Variants in BABAM2 observed in about 807,000 individuals in gnomAD.
BABAM2 encodes the protein BRISC and BRCA1-A complex member 2.
Under a neutral mutation model 54.7 loss-of-function variants are expected in BABAM2, and 31 were observed. The ratio of observed to expected loss-of-function variants is 0.57; its 90% CI spans 0.43 to 0.77. The LOEUF (loss-of-function observed/expected upper bound fraction) is 0.77. BABAM2 is among the 30% of genes least tolerant of loss of function. BABAM2 has a pLI of 0.00. For missense variants in BABAM2, 364 were observed against 455.8 expected (o/e 0.80, Z 1.83); for synonymous variants, 167 against 162.9 (o/e 1.03, Z -0.19).
chr2:27,953,105 T>C (rs1397132349), intron 3 of BABAM2, among the ~76,000 whole-genome samples: 1 of 152,202 alleles, frequency 6.6e-6, no homozygotes, highest in African/African-American at 2.4e-5. Context: ...CACTGCAGAC[T>C]CGAACTCCTG....
At chr2:28,117,946 C>CT (rs1437447418) in intron 6 of BABAM2, among the ~76,000 whole-genome samples, 4 of 152,290 alleles carry the variant, frequency 2.6e-5, no homozygotes, top group Admixed American at 2.6e-4. Flanking sequence ...TCTACCTTTT[C>CT]TTTAAGTTAT....
chr2:28,017,667 A>G lies in BABAM2; in HGVS notation c.301-7559A>G, dbSNP rs552385582. Among the ~76,000 whole-genome samples the G allele has an allele frequency of 1.5e-4, 23 of 152,356 alleles. No individual in the cohort carries two copies. In the South Asian group the frequency reaches 1.7e-3, roughly 11 times the overall value. On this transcript the variant is annotated intron_variant, in intron 4 of 11. Transcript: ENST00000379624. ...AAAAAGAAACTGTGTATGCATTAGCAGTCCTCATTTTCCCCCAAGTCTCCA... is the reference window on the plus strand; with the variant it reads ...AAAAAGAAACTGTGTATGCATTAGCGGTCCTCATTTTCCCCCAAGTCTCCA...
At chr2:28,324,818 A>T (rs1386555494) in intron 11 of BABAM2, among the ~76,000 whole-genome samples, 2 of 152,152 alleles carry the variant, frequency 1.3e-5, no homozygotes, top group Admixed American at 1.3e-4. Flanking sequence ...GAAAGAAAAG[A>T]AAAGAAAACT....
intron 7 of BABAM2, among the ~76,000 whole-genome samples, chr2:28,158,974 G>A (rs1303464312): frequency 6.6e-6 from 1 of 152,054 alleles, no homozygotes. Flanking sequence ...AAATTTTACT[G>A]GTATGAAAAG....
At chr2:28,044,649 C>A (rs1356281716) in intron 5 of BABAM2, among the ~76,000 whole-genome samples, 1 of 152,174 alleles carries the variant, frequency 6.6e-6, no homozygotes, top group Non-Finnish European at 1.5e-5. Context: ...CCCACTCATA[C>A]AAATATTTGT....
At chr2:27,899,769 G>A (rs1448933685) in intron 2 of BABAM2, among the ~76,000 whole-genome samples, 1 of 152,040 alleles carries the variant, frequency 6.6e-6, no homozygotes, top group Non-Finnish European at 1.5e-5. Flanking sequence ...GCCTGGCCTA[G>A]TCCTAGCTTT....
At chr2:28,307,314 G>T (rs1347925086) in intron 11 of BABAM2, among the ~76,000 whole-genome samples, 2 of 151,514 alleles carry the variant, frequency 1.3e-5, no homozygotes, top group Non-Finnish European at 2.9e-5. Flanking sequence ...GCCTTAATTG[G>T]AGTATTTCAT....
intron 6 of BABAM2, among the ~76,000 whole-genome samples, chr2:28,061,697 C>T (rs1344799758): frequency 6.6e-6 from 1 of 150,856 alleles, no homozygotes; most frequent in African/African-American, 2.4e-5. Flanking sequence ...AAGTTTAACT[C>T]AAAATGGATT....
intron 6 of BABAM2, among the ~76,000 whole-genome samples, chr2:28,077,634 G>T (rs1558314652): frequency 6.6e-6 from 1 of 152,036 alleles, no homozygotes; most frequent in African/African-American, 2.4e-5. Flanking sequence ...TTCATTGTGG[G>T]TTGTTGTGAC....
chr2:27,966,849 T>A (rs1324660133), intron 3 of BABAM2, among the ~76,000 whole-genome samples: 1 of 152,212 alleles, frequency 6.6e-6, no homozygotes, highest in Non-Finnish European at 1.5e-5. Flanking sequence ...TTCCTTTATT[T>A]GCCTTTTGGG....
intron 7 of BABAM2, among the ~76,000 whole-genome samples, chr2:28,229,589 CT>C (rs5830065): frequency 0.82 from 108,687 of 133,170 alleles, 44,199 homozygotes; most frequent in East Asian, 0.98. Flanking sequence ...TTCTTTTTTT[CT>C]TTTTTTTTTT....
chr2:28,293,612 C>T (rs1687463203), intron 10 of BABAM2, among the ~76,000 whole-genome samples: 1 of 152,218 alleles, frequency 6.6e-6, no homozygotes, highest in Non-Finnish European at 1.5e-5. Flanking sequence ...TTCCTCCCTT[C>T]CCCCAGGGCT....
At chr2:28,285,709 C>T (rs1377064886) in intron 10 of BABAM2, among the ~76,000 whole-genome samples, 1 of 152,016 alleles carries the variant, frequency 6.6e-6, no homozygotes, top group Non-Finnish European at 1.5e-5. Context: ...CAGCATCTCC[C>T]TTGAACATAA....
chr2:28,245,433 C>T (rs1440865464), intron 10 of BABAM2, among the ~76,000 whole-genome samples: 2 of 152,132 alleles, frequency 1.3e-5, no homozygotes, highest in African/African-American at 2.4e-5. Flanking sequence ...AATGTATCCC[C>T]AACATCATTT....
At chr2:28,032,715 C>T (rs1361670786) in intron 5 of BABAM2, among the ~76,000 whole-genome samples, 1 of 152,006 alleles carries the variant, frequency 6.6e-6, no homozygotes, top group Non-Finnish European at 1.5e-5. Flanking sequence ...AAAACAGATG[C>T]ATATTGGGAT....
chr2:28,117,917 G>A (rs957354388), intron 6 of BABAM2, among the ~76,000 whole-genome samples: 12 of 152,164 alleles, frequency 7.9e-5, no homozygotes, highest in African/African-American at 2.9e-4. Flanking sequence ...CCACCTAAAC[G>A]ATTTAAGTGA....
In BABAM2 at chr2:27,929,926, A is replaced by G. The variant is rs549696515; in HGVS notation, c.205+18A>G. ...ATTAAAGTGTAAGTAAATGATGACT[A>G]TTTTACTCAAAATGTAGGTTACAGT... On this transcript the variant is annotated intron_variant, in intron 3 of 11. Transcript: ENST00000379624. 2.2e-5 allele frequency: 35 copies of G among 1,592,754 alleles called. No homozygotes were observed. The South Asian group carries it at 3.2e-4, about 15-fold the overall frequency.
intron 10 of BABAM2, among the ~76,000 whole-genome samples, chr2:28,249,778 C>A (rs1408577800): frequency 6.6e-6 from 1 of 152,066 alleles, no homozygotes; most frequent in African/African-American, 2.4e-5. Flanking sequence ...GTAGCTGGAA[C>A]TATACATAAG....
intron 3 of BABAM2, among the ~76,000 whole-genome samples, chr2:27,965,019 TG>T (rs1006723353): frequency 6.6e-6 from 1 of 152,184 alleles, no homozygotes; most frequent in Admixed American, 6.5e-5. Flanking sequence ...TTATTGGAGA[TG>T]GGGTATGTTT....
Sources: gnomAD v4.1 joint callset for allele counts (sites outside exome capture counted in the v4.1 genomes callset) on GRCh38, gnomAD v4.1.1 for gene constraint, MANE v1.5 for transcripts, NCBI Gene and HGNC (gene_info 2026-07-23, HGNC 2026-07-21) for gene names.